Variants in CDC16 observed in about 807,000 individuals in gnomAD.
The protein encoded by CDC16 is cell division cycle 16.
In CDC16, 34 loss-of-function variants were observed where a neutral mutation model predicts 87.0. The ratio of observed to expected loss-of-function variants is 0.39; its 90% CI spans 0.30 to 0.52. The LOEUF (loss-of-function observed/expected upper bound fraction) is 0.52, where lower values mean the gene tolerates loss of function less well. Among genes scored for constraint, CDC16 ranks in the 20% least tolerant of loss-of-function variants. The probability of loss-of-function intolerance (pLI) is 0.74; values close to 1 mark genes in which losing one functional copy is unlikely to be tolerated. For synonymous variants in CDC16, 263 were observed against 260.6 expected (o/e 1.01, Z -0.09); for missense variants, 653 against 751.9 (o/e 0.87, Z 1.54).
intron 15 of CDC16, among the ~76,000 whole-genome samples, chr13:114,262,635 A>G (rs1317199722): frequency 6.6e-6 from 1 of 152,210 alleles, no homozygotes; most frequent in African/African-American, 2.4e-5. Flanking sequence ...CCCACTGAAC[A>G]TCAAAAGGAA....
chr13:114,260,150 T>C lies in CDC16; in HGVS notation c.1314+752T>C, dbSNP rs866628779. 2.6e-5 allele frequency among the ~76,000 whole-genome samples: 4 copies of C among 152,348 alleles called. No individual in the cohort carries two copies. The Middle Eastern group carries it at 0.01, about 389-fold the overall frequency. On this transcript the variant is annotated intron_variant, in intron 14 of 17. Transcript: ENST00000356221. Reference sequence around the variant, plus strand: ...TGTGCACACCTGCCCACAGTTTTCTTCTCCCTTGGCTGTTAGCTCTCTCTG... The same window carrying C: ...TGTGCACACCTGCCCACAGTTTTCTCCTCCCTTGGCTGTTAGCTCTCTCTG...
chr13:114,261,808 C>A (rs939763507), intron 14 of CDC16, 79 bp from the exon 15 acceptor site: 8 of 947,174 alleles, frequency 8.4e-6, no homozygotes, highest in South Asian at 1.6e-5. Flanking sequence ...GCTTGCAAGG[C>A]GTGAAATAAT....
At position 114,243,401 on chromosome 13, in the gene CDC16, A is replaced by T. The variant is rs142443820; in HGVS notation, c.633+53A>T. On this transcript the variant is annotated intron_variant, in intron 7 of 17. Coordinates refer to ENST00000356221, the MANE Select transcript of CDC16 (RefSeq NM_001078645.3). The stretch of plus-strand genomic sequence containing the variant: ...GCTTTATGTAAATATCTTATTCCAT[A>T]AAATTTGGCATCTAGTCTTATATTA... 2,201 of 876,598 alleles carry T rather than the reference A, an allele frequency of 2.5e-3. 29 individuals carry two copies. The African/African-American group carries it at 0.034, about 13-fold the overall frequency. 54.3% of individuals were successfully genotyped at this position (876,598 alleles called of 1,614,324 possible).
At chr13:114,261,981 T>C (rs767776087) in intron 15 of CDC16, 33 bp downstream of exon 15, 6 of 1,366,092 alleles carry the variant, frequency 4.4e-6, no homozygotes, top group Non-Finnish European at 5.2e-6. Context: ...AGAAATATAC[T>C]TTGTGTCTCA....
intron 17 of CDC16, among the ~76,000 whole-genome samples, chr13:114,271,009 C>T (rs936682330): frequency 1.3e-5 from 2 of 148,784 alleles, no homozygotes; most frequent in African/African-American, 5.0e-5. Context: ...GCAAGCTCTG[C>T]CTCCCAGGTT....
At chr13:114,269,789 C>G (rs187879489) in intron 17 of CDC16, among the ~76,000 whole-genome samples, 16 of 152,212 alleles carry the variant, frequency 1.1e-4, no homozygotes, top group South Asian at 2.1e-4. Context: ...ACTGCAACCT[C>G]TGCCTCCTGG....
At chr13:114,246,866 G>T in intron 10 of CDC16, 65 bp from the exon 11 acceptor site, 2 of 962,730 alleles carry the variant, frequency 2.1e-6, no homozygotes, top group Non-Finnish European at 3.4e-6. Flanking sequence ...ACCCTAATTT[G>T]TTGCAGATTC....
rs754062932 is a variant in CDC16 at position 114,265,198 on chromosome 13, C to T, written c.1561C>T (p.His521Tyr). The T allele has an allele frequency of 6.2e-7, 1 of 1,612,266 alleles. No individual in the cohort carries two copies. The highest frequency in any genetic ancestry group is 8.5e-7 in the Non-Finnish European group (1 of 1,178,406). Residue 521 changes from histidine (H) to tyrosine (Y), a missense_variant, in exon 17 of 18, where the codon CAT becomes TAT. By Grantham distance (83) the His-to-Tyr change is moderately conservative. Transcript: ENST00000356221. ...DDTFSVTMLG[H>Y]CIEMYIGDSE... ...TACATTTTCTGTTACAATGCTTGGT[C>T]ATTGCATCGAAATGTACATTGGTGA...
chr13:114,261,876 CTA>C lies in CDC16; in HGVS notation c.1315-9_1315-8del. ...TATATAACTCGTGGGCTTGATGTTG[CTA>C]TGTTTTAGGTAACAGTTGACAAATG... On this transcript the variant is annotated splice_polypyrimidine_tract_variant and intron_variant, in intron 14 of 17. Transcript: ENST00000356221. 1 of 1,587,692 alleles carries C rather than the reference CTA, an allele frequency of 6.3e-7. No homozygotes were observed. The highest frequency in any genetic ancestry group is 1.1e-5 in the South Asian group (1 of 87,480).
At chr13:114,242,430 G>A (rs1180772358) in intron 6 of CDC16, 150 bp downstream of exon 6, 10 of 694,596 alleles carry the variant, frequency 1.4e-5, no homozygotes, top group South Asian at 1.9e-5. Context: ...TGTAAAGCAC[G>A]TTGCAGAATG....
At chr13:114,257,945 C>T (rs2082610220) in intron 13 of CDC16, among the ~76,000 whole-genome samples, 1 of 152,064 alleles carries the variant, frequency 6.6e-6, no homozygotes, top group South Asian at 2.1e-4. Flanking sequence ...CACCACCACG[C>T]CCGGCTAATT....
At chr13:114,249,484 A>G (rs2138979134) in intron 11 of CDC16, among the ~76,000 whole-genome samples, 1 of 152,266 alleles carries the variant, frequency 6.6e-6, no homozygotes, top group East Asian at 1.9e-4. Flanking sequence ...GCTCTACATG[A>G]AACAGGTAAC....
intron 12 of CDC16, among the ~76,000 whole-genome samples, chr13:114,254,821 G>C (rs1349126955): frequency 6.6e-6 from 1 of 152,164 alleles, no homozygotes; most frequent in Non-Finnish European, 1.5e-5. Context: ...GATGGGAAGT[G>C]GGGGTCCAAC....
At chr13:114,236,374 T>C (rs2081250760) in intron 1 of CDC16, among the ~76,000 whole-genome samples, 1 of 152,240 alleles carries the variant, frequency 6.6e-6, no homozygotes, top group Non-Finnish European at 1.5e-5. Context: ...TGTTTCACGA[T>C]ACATTTTTAC....
At chr13:114,242,667 C>G (rs1470786098) in intron 6 of CDC16, 1 of 180,036 alleles carries the variant, frequency 5.6e-6, no homozygotes, top group Non-Finnish European at 1.2e-5. Flanking sequence ...TAATGTACCA[C>G]AGGCACTGAG....
rs1456657736 is a variant in CDC16, at chr13:114,262,921, G to C, written c.1419G>C (p.Val473=). The C allele has an allele frequency of 6.2e-7, 1 of 1,614,026 alleles. No homozygotes were observed. The highest frequency in any genetic ancestry group is 2.2e-5 in the East Asian group (1 of 44,896). ...EALDYHRQAL[V]LIPQNASTYS... ...TGGATTACCACCGTCAGGCACTGGT[G>C]TTGATTCCTCAGAACGCATCCACCT... Residue 473 remains valine, a synonymous_variant, in exon 16 of 18, where the codon GTG becomes GTC. Coordinates refer to ENST00000356221, the MANE Select transcript of CDC16 (RefSeq NM_001078645.3).
intron 16 of CDC16, 175 bp from the exon 17 acceptor site, chr13:114,264,975 T>G (rs1392819109): frequency 5.4e-6 from 3 of 558,082 alleles, no homozygotes; most frequent in Non-Finnish European, 6.5e-6. Flanking sequence ...AATAGTGTGA[T>G]GAACCTCCAT....
In CDC16 at chr13:114,238,966, TAAAC is replaced by T. The variant is rs750484381; in HGVS notation, c.202-20_202-17del. ...GATACATATTATTTTGACCACTACT[TAAAC>T]AAATTAATTTCTTTCCTAGTTGTAT... On this transcript the variant is annotated intron_variant, in intron 3 of 17. Transcript: ENST00000356221. 33 of 1,606,768 alleles carry T rather than the reference TAAAC, an allele frequency of 2.1e-5. 1 individual carries two copies. The highest frequency in any genetic ancestry group is 1.1e-4 in the East Asian group (5 of 44,680).
intron 1 of CDC16, among the ~76,000 whole-genome samples, chr13:114,235,679 A>G (rs953180273): frequency 1.3e-5 from 2 of 152,112 alleles, no homozygotes; most frequent in African/African-American, 2.4e-5. Context: ...AGTTTTATCT[A>G]TATTGTTGTT....
Sources: allele counts gnomAD v4.1 joint callset (sites outside exome capture counted in the v4.1 genomes callset), GRCh38; gene constraint gnomAD v4.1.1; transcripts MANE v1.5; gene names NCBI Gene and HGNC (gene_info 2026-07-23, HGNC 2026-07-21).